MCF2L: variants seen among roughly 807,000 people sequenced by gnomAD.
MCF2L encodes MCF.2 cell line derived transforming sequence like, also known as guanine nucleotide exchange factor DBS.
In MCF2L, 97 loss-of-function variants were observed where a neutral mutation model predicts 153.4. That is an observed-to-expected ratio of 0.63 (90% confidence interval 0.54 to 0.75). The LOEUF (loss-of-function observed/expected upper bound fraction) is 0.75, where lower values mean the gene tolerates loss of function less well. MCF2L is among the 30% of genes least tolerant of loss of function. The pLI is 0.00. For missense variants in MCF2L, 1,347 were observed against 1,495.2 expected (o/e 0.90, Z 1.64); for synonymous variants, 659 against 632.2 (o/e 1.04, Z -0.64).
Position 113,048,633 on chromosome 13 carries a change from G to A in MCF2L, c.369+3272G>A, listed in dbSNP as rs995723953. On this transcript the variant is annotated intron_variant, in intron 4 of 29. Coordinates refer to ENST00000535094, the MANE Select transcript of MCF2L (RefSeq NM_001112732.3). Reference sequence around the variant, plus strand: ...ATTTTTTATATTTTTAGTAGAGACGGGGTTTCACCCACGTTAGCCAGGATG... The same window carrying A: ...ATTTTTTATATTTTTAGTAGAGACGAGGTTTCACCCACGTTAGCCAGGATG... 2.6e-5 allele frequency among the ~76,000 whole-genome samples: 4 copies of A among 152,190 alleles called. No homozygotes were observed. The East Asian group carries it at 5.8e-4, about 22-fold the overall frequency.
chr13:112,985,412 C>T (rs549250528), intron 1 of MCF2L: 7 of 471,114 alleles, frequency 1.5e-5, no homozygotes, highest in East Asian at 6.9e-5. Context: ...TCCGGATTTC[C>T]GTGGCGGAAA....
intron 15 of MCF2L, among the ~76,000 whole-genome samples, chr13:113,079,810 T>C (rs79099872): frequency 0.81 from 51,568 of 63,924 alleles, 20,060 homozygotes; most frequent in Middle Eastern, 0.89. Context: ...GGCAGAGGAA[T>C]GTCTGAATGG....
intron 2 of MCF2L, among the ~76,000 whole-genome samples, chr13:112,921,826 C>G (rs1206728676): frequency 2.0e-5 from 3 of 152,142 alleles, no homozygotes; most frequent in Non-Finnish European, 4.4e-5. Flanking sequence ...AAAAGTACAA[C>G]ACACAACTTA....
intron 1 of MCF2L, among the ~76,000 whole-genome samples, chr13:112,999,743 G>A (rs1209548341): frequency 1.3e-5 from 2 of 152,218 alleles, no homozygotes; most frequent in East Asian, 1.9e-4. Flanking sequence ...GTGAGGACAC[G>A]TTGGACTGTG....
intron 2 of MCF2L, among the ~76,000 whole-genome samples, chr13:112,906,162 C>A (rs939607637): frequency 1.8e-4 from 27 of 152,216 alleles, no homozygotes; most frequent in Non-Finnish European, 7.3e-5. Context: ...CAGGCTTCTT[C>A]ATTTCAGCTA....
intron 2 of MCF2L, among the ~76,000 whole-genome samples, chr13:112,938,359 G>C (rs1160360049): frequency 6.6e-6 from 1 of 152,054 alleles, no homozygotes; most frequent in African/African-American, 2.4e-5. Context: ...AGCCCTGAAA[G>C]TCCAGAAGTT....
At chr13:113,095,773 C>A in intron 27 of MCF2L, 1 of 1,001,170 alleles carries the variant, frequency 1.0e-6, no homozygotes. Flanking sequence ...TCTCCCCACT[C>A]TGTAGGAACA....
chr13:112,989,332 G>A (rs1420037519), intron 1 of MCF2L, among the ~76,000 whole-genome samples: 1 of 141,952 alleles, frequency 7.0e-6, no homozygotes, highest in Non-Finnish European at 1.5e-5. Context: ...TACCACGCCC[G>A]AGTCCTCCCT....
intron 1 of MCF2L, chr13:113,001,245 A>C (rs1231220867): frequency 6.6e-6 from 1 of 151,970 alleles, no homozygotes; most frequent in East Asian, 1.9e-4. Flanking sequence ...TATTCTGAGA[A>C]CGGCCCCTGC....
chr13:113,069,897 G>A (rs908575450), intron 8 of MCF2L, among the ~76,000 whole-genome samples, 162 bp from the exon 9 acceptor site: 2 of 152,094 alleles, frequency 1.3e-5, no homozygotes, highest in African/African-American at 4.8e-5. Flanking sequence ...GAGTGCCCGC[G>A]CCCGCAGATC....
intron 2 of MCF2L, among the ~76,000 whole-genome samples, chr13:113,015,448 T>A (rs1566739298): frequency 2.0e-5 from 3 of 152,094 alleles, no homozygotes; most frequent in African/African-American, 7.2e-5. Flanking sequence ...GGTGCCCCGA[T>A]GCTGAGGAGG....
rs2033306431 is a variant in MCF2L at position 113,074,961 on chromosome 13, A to G, written c.1117-37A>G. ...AAGGCACTGTGTGCCTCGAACAGAA[A>G]GAGGCCTGAGCTGGTCCTCTGGGTG... On this transcript the variant is annotated intron_variant, in intron 10 of 29. Coordinates refer to ENST00000535094, the MANE Select transcript of MCF2L (RefSeq NM_001112732.3). This position sits in a 1 kb window ranked among gnomAD's most constrained non-coding sequence, Gnocchi z 4.2. 2.6e-6 allele frequency: 4 copies of G among 1,555,828 alleles called. No homozygotes were observed. The highest frequency in any genetic ancestry group is 1.8e-5 in the Admixed American group (1 of 55,516).
intron 2 of MCF2L, among the ~76,000 whole-genome samples, chr13:112,912,058 C>T (rs1306333777): frequency 1.3e-5 from 2 of 152,188 alleles, no homozygotes; most frequent in Non-Finnish European, 1.5e-5. Flanking sequence ...GGGAGGTGGC[C>T]GTGCATGTGG....
At chr13:113,059,102 A>C (rs943254723) in intron 4 of MCF2L, among the ~76,000 whole-genome samples, 1 of 152,198 alleles carries the variant, frequency 6.6e-6, no homozygotes, top group African/African-American at 2.4e-5. Context: ...TATAATCCTA[A>C]GTGAGGTCCC....
At chr13:112,897,637 C>T (rs2081080680) in intron 1 of MCF2L, among the ~76,000 whole-genome samples, 1 of 152,256 alleles carries the variant, frequency 6.6e-6, no homozygotes, top group Admixed American at 6.5e-5. Context: ...AATCAAAGCA[C>T]ATCTAGTGAG....
At position 113,031,340 on chromosome 13, in the gene MCF2L, A is replaced by G. The variant is rs2993315; in HGVS notation, c.278+6582A>G. Among the ~76,000 whole-genome samples the G allele has an allele frequency of 0.24, 36,876 of 152,058 alleles. 4,917 individuals are homozygous for G. The highest frequency in any genetic ancestry group is 0.49 in the East Asian group (2,511 of 5,138). On this transcript the variant is annotated intron_variant, in intron 3 of 29. Transcript: ENST00000535094. This position sits in a 1 kb window ranked among gnomAD's most constrained non-coding sequence, Gnocchi z 5.5. ...AGGGCAGGGGTGGCAGCATCACTGCAGACAAGGAACTTAATGTAAACTGGG... is the reference window on the plus strand; with the variant it reads ...AGGGCAGGGGTGGCAGCATCACTGCGGACAAGGAACTTAATGTAAACTGGG...
At chr13:113,009,464 T>G (rs576367099) in intron 1 of MCF2L, 1 of 152,364 alleles carries the variant, frequency 6.6e-6, no homozygotes, top group African/African-American at 2.4e-5. Flanking sequence ...GGATAAACCT[T>G]AAACATCGGG....
chr13:113,033,342 C>T (rs1566773291), intron 3 of MCF2L, among the ~76,000 whole-genome samples: 1,026 of 92,796 alleles, frequency 0.011, 198 homozygotes, highest in East Asian at 0.045. Flanking sequence ...GCCCCCGTGA[C>T]ATTAGTGGAC....
At chr13:113,012,390 C>T (rs1282743043) in intron 1 of MCF2L, among the ~76,000 whole-genome samples, 1 of 96,556 alleles carries the variant, frequency 1.0e-5, no homozygotes, top group Non-Finnish European at 2.2e-5. Context: ...GCAGTGTGGA[C>T]GGTGGACACT....
Sources: gnomAD v4.1 joint callset for allele counts (sites outside exome capture counted in the v4.1 genomes callset) on GRCh38, gnomAD v4.1.1 for gene constraint, Gnocchi (gnomAD v3.1) non-coding constraint, MANE v1.5 for transcripts, NCBI Gene and HGNC (gene_info 2026-07-23, HGNC 2026-07-21) for gene names.